HTR4: variants seen among roughly 807,000 people sequenced by gnomAD.
HTR4 encodes the protein 5-hydroxytryptamine (serotonin) receptor 4, G protein-coupled.
A neutral mutation model predicts 36.8 loss-of-function variants in HTR4; 16 were observed. That is an observed-to-expected ratio of 0.43 (90% confidence interval 0.29 to 0.66). The LOEUF is 0.66. Among genes scored for constraint, HTR4 ranks in the 30% least tolerant of loss-of-function variants. HTR4 has a pLI of 0.13. For missense variants in HTR4, 438 were observed against 490.9 expected (o/e 0.89, Z 1.02); for synonymous variants, 189 against 185.1 (o/e 1.02, Z -0.17).
chr5:148,463,731 C>T (rs538808458), intron 5 of HTR4, among the ~76,000 whole-genome samples: 1 of 150,238 alleles, frequency 6.7e-6, no homozygotes, highest in South Asian at 2.1e-4. Flanking sequence ...CAAAGAATAA[C>T]TAATTCTAAA....
chr5:148,530,372 A>T (rs1758498706), intron 4 of HTR4, among the ~76,000 whole-genome samples: 1 of 152,088 alleles, frequency 6.6e-6, no homozygotes. Flanking sequence ...CATCCTAGGG[A>T]ATTGGTGCCG....
intron 6 of HTR4, among the ~76,000 whole-genome samples, chr5:148,502,331 C>T (rs1198954254): frequency 6.6e-6 from 1 of 152,210 alleles, no homozygotes. Context: ...GCAACATTTG[C>T]TGTTCAGCAA....
At chr5:148,569,970 C>G (rs1760609385) in intron 2 of HTR4, among the ~76,000 whole-genome samples, 1 of 152,078 alleles carries the variant, frequency 6.6e-6, no homozygotes, top group African/African-American at 2.4e-5. Context: ...TAAGGAAAGA[C>G]TTTTCCCTCA....
intron 1 of HTR4, 96 bp downstream of exon 1, chr5:148,653,965 GC>G (rs1006361356): frequency 5.9e-5 from 46 of 781,650 alleles, no homozygotes; most frequent in Non-Finnish European, 7.0e-5. Flanking sequence ...GAACCCCCAA[GC>G]CCCCGACCCC....
chr5:148,601,925 A>T (rs1207801100), intron 2 of HTR4, among the ~76,000 whole-genome samples: 1 of 152,174 alleles, frequency 6.6e-6, no homozygotes, highest in Non-Finnish European at 1.5e-5. Flanking sequence ...TCTATATGGG[A>T]TCTAAATCAA....
intron 5 of HTR4, among the ~76,000 whole-genome samples, chr5:148,457,465 A>C (rs1361023115): frequency 6.6e-6 from 1 of 151,784 alleles, no homozygotes; most frequent in African/African-American, 2.4e-5. Flanking sequence ...TGGATGTGGT[A>C]ATTAGTAGCG....
intron 5 of HTR4, 76 bp from the exon 6 acceptor site, chr5:148,510,100 ATG>A: frequency 1.1e-6 from 1 of 919,456 alleles, no homozygotes; most frequent in Non-Finnish European, 1.6e-6. Context: ...AGTGGGAAAA[ATG>A]GGGAAGAGTG....
intron 2 of HTR4, among the ~76,000 whole-genome samples, chr5:148,618,523 T>G (rs114094802): frequency 6.6e-6 from 1 of 152,294 alleles, no homozygotes; most frequent in Non-Finnish European, 1.5e-5. Context: ...GGGTTACAGG[T>G]TGGCAGCAGC....
intron 5 of HTR4, chr5:148,465,726 C>G: frequency 7.7e-7 from 1 of 1,296,822 alleles, no homozygotes; most frequent in Admixed American, 3.0e-5. Context: ...TCTGTGCCAA[C>G]AATTGTGCAC....
At chr5:148,612,960 CT>C (rs1191611881) in intron 2 of HTR4, among the ~76,000 whole-genome samples, 23 of 149,920 alleles carry the variant, frequency 1.5e-4, no homozygotes, top group African/African-American at 4.9e-4. Flanking sequence ...GACACATACA[CT>C]CTCCCAAGAC....
chr5:148,537,938 T>A (rs1403211661), intron 4 of HTR4, among the ~76,000 whole-genome samples: 1 of 151,708 alleles, frequency 6.6e-6, no homozygotes, highest in African/African-American at 2.4e-5. Flanking sequence ...CAACAAGAAG[T>A]CAGGCCAGTA....
downstream of HTR4, among the ~76,000 whole-genome samples, chr5:148,478,995 G>A (rs1755791994): frequency 6.6e-6 from 1 of 151,794 alleles, no homozygotes; most frequent in South Asian, 2.1e-4. Context: ...CTCGTGACAT[G>A]CCCCCTCCAG....
intron 6 of HTR4, among the ~76,000 whole-genome samples, chr5:148,497,112 G>C (rs752591974): frequency 6.6e-6 from 1 of 151,902 alleles, no homozygotes; most frequent in Non-Finnish European, 1.5e-5. Flanking sequence ...CTTCAATAAA[G>C]GTCTTATACT....
At chr5:148,558,808 A>G (rs1011970520) in intron 2 of HTR4, among the ~76,000 whole-genome samples, 4 of 152,164 alleles carry the variant, frequency 2.6e-5, no homozygotes, top group Non-Finnish European at 5.9e-5. Flanking sequence ...ATAGCCTTGG[A>G]AAAGAAAAAA....
At chr5:148,525,763 T>C (rs1758238972) in intron 4 of HTR4, among the ~76,000 whole-genome samples, 1 of 152,230 alleles carries the variant, frequency 6.6e-6, no homozygotes, top group African/African-American at 2.4e-5. Flanking sequence ...GGTTGAATTG[T>C]GTCCTTCCTC....
rs143390252 is a variant in HTR4 at position 148,509,623 on chromosome 5, G to A, written c.909C>T (p.Ile303=). The change falls in exon 6 of 7, where the codon ATC becomes ATT. Residue 303 remains isoleucine (I), a synonymous_variant. Coordinates refer to ENST00000377888, the MANE Select transcript of HTR4 (RefSeq NM_000870.7). ...AGAGAAAAGGGTTCAACCCGGAATT[G>A]ATATAGCCGAGCCAGAGGAAAGCAG... ...VWTAFLWLGY[I]NSGLNPFLYA... 1,022 of 1,614,066 alleles carry A rather than the reference G, an allele frequency of 6.3e-4. No individual in the cohort carries two copies. The highest frequency in any genetic ancestry group is 8.1e-4 in the Non-Finnish European group (957 of 1,179,986).
intron 2 of HTR4, among the ~76,000 whole-genome samples, chr5:148,573,082 C>T (rs895808703): frequency 2.0e-5 from 3 of 152,068 alleles, no homozygotes. Flanking sequence ...CAGCTAATTC[C>T]AATCTCTGAA....
intron 2 of HTR4, among the ~76,000 whole-genome samples, chr5:148,598,491 G>A (rs1375275611): frequency 1.3e-5 from 2 of 152,046 alleles, no homozygotes; most frequent in East Asian, 1.9e-4. Flanking sequence ...GATGGAGGTT[G>A]CAGTGAGCCA....
intron 5 of HTR4, among the ~76,000 whole-genome samples, chr5:148,457,882 A>G (rs554371896): frequency 2.9e-5 from 4 of 138,342 alleles, no homozygotes; most frequent in African/African-American, 1.1e-4. Context: ...TCATTAAAAT[A>G]TTAAAATATA....
Sources: gnomAD v4.1 joint callset for allele counts (sites outside exome capture counted in the v4.1 genomes callset) on GRCh38, gnomAD v4.1.1 for gene constraint, MANE v1.5 for transcripts, NCBI Gene and HGNC (gene_info 2026-07-23, HGNC 2026-07-21) for gene names.